RNF144A: variants seen among roughly 807,000 people sequenced by gnomAD.
RNF144A encodes the protein ring finger protein 144A.
RNF144A carries 11 observed loss-of-function variants against 38.7 expected under a neutral mutation model. The ratio of observed to expected loss-of-function variants is 0.28; its 90% CI spans 0.18 to 0.47. The LOEUF (loss-of-function observed/expected upper bound fraction) is 0.47. Ranked by LOEUF, RNF144A falls within the 20% of genes least tolerant of loss-of-function variation. The probability of loss-of-function intolerance (pLI) is 0.99; values close to 1 mark genes in which losing one functional copy is unlikely to be tolerated. For missense variants in RNF144A, 316 were observed against 377.2 expected (o/e 0.84, Z 1.34); for synonymous variants, 149 against 143.9 (o/e 1.04, Z -0.25).
At chr2:6,980,186 A>G (rs1668545585) in intron 2 of RNF144A, among the ~76,000 whole-genome samples, 1 of 152,192 alleles carries the variant, frequency 6.6e-6, no homozygotes, top group Non-Finnish European at 1.5e-5. Flanking sequence ...GAGCTAACCC[A>G]TGTAATTCCA....
At chr2:6,993,820 G>T (rs1052426987) in intron 2 of RNF144A, among the ~76,000 whole-genome samples, 2 of 151,970 alleles carry the variant, frequency 1.3e-5, no homozygotes, top group Non-Finnish European at 2.9e-5. Context: ...GTCTATGTAG[G>T]TAAAAGTCTA....
chr2:6,958,145 T>C lies in RNF144A; in HGVS notation c.-12+16998T>C, dbSNP rs999749569. Among the ~76,000 whole-genome samples the C allele has an allele frequency of 6.6e-6, 1 of 152,230 alleles. No homozygotes were observed. The highest frequency in any genetic ancestry group is 1.5e-5 in the Non-Finnish European group (1 of 68,036). On this transcript the variant is annotated intron_variant, in intron 2 of 8. Transcript: ENST00000320892. The surrounding 1 kb of genome is among the most constrained non-coding windows in gnomAD (Gnocchi z 4.5). ...GCCAGGCTGTCATGCGCAGCCACCA[T>C]GGGGCACCGGGCGTGCTGTCTCTTC...
chr2:7,002,385 G>A (rs1410516310), intron 3 of RNF144A, among the ~76,000 whole-genome samples: 1 of 152,202 alleles, frequency 6.6e-6, no homozygotes, highest in Non-Finnish European at 1.5e-5. Flanking sequence ...GGGCTTGAAG[G>A]GCTAGATTTG....
rs578067087 is a variant in RNF144A, at chr2:7,005,105, C to T, written c.135+8044C>T. Among the ~76,000 whole-genome samples the T allele has an allele frequency of 6.6e-4, 100 of 152,338 alleles. 1 individual carries two copies. The highest frequency in any genetic ancestry group is 2.1e-3 in the African/African-American group (89 of 41,584). On this transcript the variant is annotated intron_variant, in intron 3 of 8. Coordinates refer to ENST00000320892, the MANE Select transcript of RNF144A (RefSeq NM_014746.6). ...GTCAGATTAAGAAGAAACTAAATAT[C>T]TTACACTGTGATATTGGCCTGCCCT... is the stretch of plus-strand genomic sequence containing the variant.
At chr2:6,933,553 G>A (rs1665343076) in intron 1 of RNF144A, among the ~76,000 whole-genome samples, 1 of 152,096 alleles carries the variant, frequency 6.6e-6, no homozygotes. Context: ...CATGGGTACT[G>A]TATCAAAAGT....
intron 6 of RNF144A, 36 bp downstream of exon 6, chr2:7,020,716 G>T: frequency 6.4e-7 from 1 of 1,573,906 alleles, no homozygotes; most frequent in Non-Finnish European, 8.6e-7. Flanking sequence ...CAAAGGCATG[G>T]CTGTGGGCCA....
chr2:6,999,990 T>A (rs1332999781), intron 3 of RNF144A, among the ~76,000 whole-genome samples: 1 of 152,180 alleles, frequency 6.6e-6, no homozygotes, highest in Non-Finnish European at 1.5e-5. Flanking sequence ...GCCAGAGACA[T>A]ACTGTCACTT....
intron 3 of RNF144A, among the ~76,000 whole-genome samples, chr2:7,006,139 C>G (rs941711758): frequency 6.6e-6 from 1 of 151,912 alleles, no homozygotes; most frequent in Non-Finnish European, 1.5e-5. Flanking sequence ...GAATGTAGCC[C>G]AGAACCTCCA....
chr2:6,997,594 C>T (rs1163404106), intron 3 of RNF144A, among the ~76,000 whole-genome samples: 2 of 152,190 alleles, frequency 1.3e-5, no homozygotes, highest in Non-Finnish European at 2.9e-5. Flanking sequence ...AATATGGGGA[C>T]TTCTAAGTCA....
chr2:6,985,896 G>A (rs1479135818), intron 2 of RNF144A, among the ~76,000 whole-genome samples: 2 of 152,084 alleles, frequency 1.3e-5, no homozygotes, highest in Non-Finnish European at 2.9e-5. Context: ...GGATGGTCTC[G>A]ATCTCCTGAC....
chr2:6,974,723 G>C (rs72781743), intron 2 of RNF144A, among the ~76,000 whole-genome samples: 5 of 152,132 alleles, frequency 3.3e-5, no homozygotes, highest in Non-Finnish European at 7.4e-5. Context: ...GTGCATCAAG[G>C]GTGTTGCATT....
Position 7,039,707 on chromosome 2 carries a change from C to G in RNF144A, c.826C>G (p.Leu276Val). ...CCTACTCCTGGCCACTCCCTTTGTA[C>G]TTTGCTGCAAGTGCAAGTGCAGTAA... ...PFLLLATPFV[L>V]CCKCKCSKGD... The change falls in exon 9 of 9, where the codon CTT (leucine) becomes GTT (valine). Residue 276 changes from leucine (L) to valine (V), a missense_variant. By Grantham distance (32) the Leu-to-Val change is conservative (BLOSUM62 1). Coordinates refer to ENST00000320892, the MANE Select transcript of RNF144A (RefSeq NM_014746.6). 1.2e-6 allele frequency: 2 copies of G among 1,614,110 alleles called. No homozygotes were observed. The highest frequency in any genetic ancestry group is 8.5e-7 in the Non-Finnish European group (1 of 1,180,016).
intron 6 of RNF144A, among the ~76,000 whole-genome samples, chr2:7,058,338 GAAAAA>G (rs376684925): frequency 1.1e-4 from 12 of 106,012 alleles, no homozygotes; most frequent in African/African-American, 3.4e-4. Flanking sequence ...TGGGGGAACT[GAAAAA>G]AAAAAAAAAA....
chr2:7,029,982 C>T (rs537106543), intron 7 of RNF144A, 144 bp from the exon 8 acceptor site: 13 of 637,884 alleles, frequency 2.0e-5, no homozygotes, highest in East Asian at 1.7e-4. Context: ...CAGGTGTTCC[C>T]GGATGCGTGC....
At chr2:7,067,691 T>A (rs537054614) in intron 6 of RNF144A, among the ~76,000 whole-genome samples, 1 of 152,290 alleles carries the variant, frequency 6.6e-6, no homozygotes, top group Admixed American at 6.5e-5. Context: ...AGAATGTCTC[T>A]CCTTTCCTTG....
intron 2 of RNF144A, among the ~76,000 whole-genome samples, chr2:6,957,481 G>A (rs997461763): frequency 2.0e-5 from 3 of 152,194 alleles, no homozygotes; most frequent in African/African-American, 7.2e-5. Flanking sequence ...GTACTAAGAG[G>A]GAAACTGGTC....
chr2:7,069,021 C>A (rs1674350265), downstream of RNF144A, among the ~76,000 whole-genome samples: 1 of 152,200 alleles, frequency 6.6e-6, no homozygotes, highest in Non-Finnish European at 1.5e-5. Flanking sequence ...AGCTGAGGAA[C>A]CTGGAAACTG....
At chr2:6,947,297 T>C (rs1666401233) in intron 2 of RNF144A, among the ~76,000 whole-genome samples, 1 of 152,194 alleles carries the variant, frequency 6.6e-6, no homozygotes, top group Non-Finnish European at 1.5e-5. Context: ...ATCATTACAA[T>C]TGCAGTAATT....
intron 2 of RNF144A, among the ~76,000 whole-genome samples, chr2:6,951,917 T>G (rs1412927783): frequency 6.6e-6 from 1 of 152,142 alleles, no homozygotes; most frequent in Non-Finnish European, 1.5e-5. Context: ...ATTGCTTTCT[T>G]TTTTGCATTA....
Sources: gnomAD v4.1 joint callset for allele counts (sites outside exome capture counted in the v4.1 genomes callset) on GRCh38, gnomAD v4.1.1 for gene constraint, Gnocchi (gnomAD v3.1) non-coding constraint, MANE v1.5 for transcripts, NCBI Gene and HGNC (gene_info 2026-07-23, HGNC 2026-07-21) for gene names.